The following CASD1 variants were observed in gnomAD, a reference collection of about 807,000 sequenced individuals.
CASD1 encodes CAS1 domain sialic acid O acetyltransferase 1.
CASD1 carries 41 observed loss-of-function variants against 100.0 expected under a neutral mutation model. That is an observed-to-expected ratio of 0.41 (90% CI 0.32 to 0.53). The LOEUF (loss-of-function observed/expected upper bound fraction) is 0.53. CASD1 is among the 20% of genes least tolerant of loss of function. The pLI, the probability that CASD1 is intolerant of heterozygous loss-of-function variation, is 0.25. For synonymous variants in CASD1, 321 were observed against 315.6 expected (o/e 1.02, Z -0.18); for missense variants, 774 against 948.7 (o/e 0.82, Z 2.42).
At chr7:94,613,428 C>A in the CASD1 span, among the ~76,000 whole-genome samples, 1 of 152,092 alleles carries the variant, frequency 6.6e-6, no homozygotes, top group Admixed American at 6.5e-5. Flanking sequence ...TTTCAAATTT[C>A]AAATGTGTAT....
At chr7:94,631,069 C>T in the CASD1 span, among the ~76,000 whole-genome samples, 1 of 151,906 alleles carries the variant, frequency 6.6e-6, no homozygotes, top group African/African-American at 2.4e-5. Flanking sequence ...ACTTCAAAGG[C>T]TGTGTAACAG....
the CASD1 span, chr7:94,588,817 A>G: frequency 6.6e-7 from 1 of 1,512,884 alleles, no homozygotes; most frequent in East Asian, 2.3e-5. Context: ...GAAAAACTTT[A>G]CGGGTAAACT....
the CASD1 span, among the ~76,000 whole-genome samples, chr7:94,569,976 G>A: frequency 1.3e-5 from 2 of 151,956 alleles, no homozygotes; most frequent in African/African-American, 4.8e-5. Flanking sequence ...ACCATGCCCA[G>A]CTAATTTTTT....
chr7:94,518,073 C>A, intron 2 of CASD1, 130 bp from the exon 3 acceptor site: 1 of 858,746 alleles, frequency 1.2e-6, no homozygotes, highest in Middle Eastern at 3.4e-4. Flanking sequence ...CAAACCTGGC[C>A]ACCTGCTTAT....
At chr7:94,581,574 A>G in the CASD1 span, among the ~76,000 whole-genome samples, 4 of 151,848 alleles carry the variant, frequency 2.6e-5, no homozygotes, top group African/African-American at 4.8e-5. Context: ...GTTACCCCCC[A>G]TGTGTCCGTG....
At chr7:94,587,483 T>G in the CASD1 span, 2 of 1,264,336 alleles carry the variant, frequency 1.6e-6, no homozygotes, top group East Asian at 3.2e-5. Flanking sequence ...GTTCTATCAT[T>G]TCTATCGTAG....
At chr7:94,545,776 A>G in intron 12 of CASD1, 75 bp downstream of exon 12, 1 of 930,540 alleles carries the variant, frequency 1.1e-6, no homozygotes, top group South Asian at 1.9e-5. Flanking sequence ...TTGCTAAATG[A>G]TATTATTTTT....
At chr7:94,601,121 C>T in the CASD1 span, among the ~76,000 whole-genome samples, 3 of 151,950 alleles carry the variant, frequency 2.0e-5, no homozygotes, top group East Asian at 1.9e-4. Flanking sequence ...ACATATTTAA[C>T]GTGTGTGCCT....
the CASD1 span, among the ~76,000 whole-genome samples, chr7:94,572,211 C>A: frequency 6.6e-6 from 1 of 152,146 alleles, no homozygotes; most frequent in African/African-American, 2.4e-5. Context: ...AATGAGATTA[C>A]AGACATGAGC....
At chr7:94,552,876 G>A (rs888020418) in intron 16 of CASD1, among the ~76,000 whole-genome samples, 6 of 152,178 alleles carry the variant, frequency 3.9e-5, no homozygotes, top group Non-Finnish European at 7.4e-5. Flanking sequence ...GGCGGAGGTT[G>A]CAGTGACCTG....
the CASD1 span, among the ~76,000 whole-genome samples, chr7:94,566,975 C>A: frequency 3.3e-5 from 5 of 152,076 alleles, no homozygotes; most frequent in African/African-American, 4.8e-5. Flanking sequence ...CCTGGTGGAT[C>A]CTCTAGCAGT....
At chr7:94,552,470 A>G (rs1795998278) in intron 16 of CASD1, 43 bp downstream of exon 16, 1 of 1,470,708 alleles carries the variant, frequency 6.8e-7, no homozygotes, top group Non-Finnish European at 9.3e-7. Flanking sequence ...TTAATTCTTG[A>G]TAAGAAAATG....
At chr7:94,514,657 A>G (rs989735719) in intron 1 of CASD1, among the ~76,000 whole-genome samples, 2 of 152,140 alleles carry the variant, frequency 1.3e-5, no homozygotes, top group African/African-American at 4.8e-5. Flanking sequence ...GAGATTGTAG[A>G]TTGACAAACC....
chr7:94,582,317 C>A, the CASD1 span, among the ~76,000 whole-genome samples: 1 of 152,206 alleles, frequency 6.6e-6, no homozygotes, highest in African/African-American at 2.4e-5. Context: ...GGGGTTTTAC[C>A]ATGTCGGCCA....
rs192696724 is a variant in CASD1, at chr7:94,532,098, A to G, written c.460-1107A>G. Among the ~76,000 whole-genome samples, 128 of 152,198 alleles carry G rather than the reference A, an allele frequency of 8.4e-4. 1 individual carries two copies. Among genetic ancestry groups the G allele is most frequent in the African/African-American group, 2.5e-3 (105 of 41,528 alleles). ...AATTGTACTGTAATATACTATTGCTATATATTATAAATAGTATACAGTAGT... is the reference window on the plus strand; with the variant it reads ...AATTGTACTGTAATATACTATTGCTGTATATTATAAATAGTATACAGTAGT... On this transcript the variant is annotated intron_variant, in intron 5 of 17. Transcript: ENST00000297273.
Position 94,549,573 on chromosome 7 carries a change from A to G in CASD1, c.1754A>G (p.Lys585Arg), listed in dbSNP as rs1425657851. Reference protein sequence around the residue: ...EKIFSLWPLSKCFELKGNVYE... With the variant: ...EKIFSLWPLSRCFELKGNVYE... ...ATCTTTTCTCTTTGGCCATTGTCCAAGTGTTTTGAACTGAAAGGGAATGTA... is the reference window on the plus strand; with the variant it reads ...ATCTTTTCTCTTTGGCCATTGTCCAGGTGTTTTGAACTGAAAGGGAATGTA... The change falls in exon 14 of 18, where the codon AAG (lysine) becomes AGG (arginine). Residue 585 changes from lysine to arginine, a missense_variant. Physicochemically the swap from Lys to Arg is conservative, Grantham distance 26. This residue lies in a region of CASD1 where 453 missense variants were observed against 532.6 expected (regional missense o/e 0.85). Transcript: ENST00000297273. 2 of 1,611,530 alleles carry G rather than the reference A, an allele frequency of 1.2e-6. No homozygotes were observed. Among genetic ancestry groups the G allele is most frequent in the East Asian group, 2.2e-5 (1 of 44,678 alleles).
the CASD1 span, chr7:94,600,685 A>G: frequency 1.9e-6 from 3 of 1,613,698 alleles, no homozygotes; most frequent in Non-Finnish European, 2.5e-6. Context: ...AGCAAGTATT[A>G]GAAAAAGGAC....
the CASD1 span, among the ~76,000 whole-genome samples, chr7:94,576,077 G>T: frequency 6.6e-6 from 1 of 151,928 alleles, no homozygotes; most frequent in Non-Finnish European, 1.5e-5. Flanking sequence ...TCTGTCTCTT[G>T]CTCTCTCTCT....
chr7:94,589,312 A>C, the CASD1 span: 1 of 156,004 alleles, frequency 6.4e-6, no homozygotes, highest in Non-Finnish European at 1.4e-5. Flanking sequence ...GGGACTTTTG[A>C]CATTTCTTTT....
Sources: gnomAD v4.1 joint callset for allele counts (sites outside exome capture counted in the v4.1 genomes callset) on GRCh38, gnomAD v4.1.1 for gene constraint, gnomAD v4.1.1 regional missense constraint, MANE v1.5 for transcripts, NCBI Gene and HGNC (gene_info 2026-07-23, HGNC 2026-07-21) for gene names.